ZNF280C: variants seen among roughly 807,000 people sequenced by gnomAD.
ZNF280C encodes suppressor of hairy wing homolog 3.
Under a neutral mutation model 53.6 loss-of-function variants are expected in ZNF280C, and 14 were observed. The ratio of observed to expected loss-of-function variants is 0.26; its 90% CI spans 0.17 to 0.41. The LOEUF is 0.41. Among genes scored for constraint, ZNF280C ranks in the 10% least tolerant of loss-of-function variants. The pLI, the probability that ZNF280C is intolerant of heterozygous loss-of-function variation, is 1.00. For missense variants in ZNF280C, 416 were observed against 547.1 expected, an observed-to-expected ratio of 0.76 and a Z score of 2.39; for synonymous variants, 203 against 181.1, an observed-to-expected ratio of 1.12 and a Z score of -0.97.
At chrX:130,212,148 G>C (rs964068555) in intron 15 of ZNF280C, among the ~76,000 whole-genome samples, 1 of 111,463 alleles carries the variant, frequency 9.0e-6, no homozygotes, top group Non-Finnish European at 1.9e-5. Flanking sequence ...AGAAACTTGG[G>C]ATAGTAAATT....
chrX:130,229,801 A>C (rs1207870406), intron 9 of ZNF280C, among the ~76,000 whole-genome samples: 1 of 112,232 alleles, frequency 8.9e-6, no homozygotes, highest in Non-Finnish European at 1.9e-5. Flanking sequence ...TCTGAAGAGA[A>C]GGAACTATGA....
Position 130,220,473 on chromosome X carries a change from C to T in ZNF280C, c.1403G>A (p.Gly468Glu). ...TCTGCATTTTGGGCAACGATGAACT[C>T]CTTTTTTCTGTTTACAGAAAATATT... Reference protein sequence around the residue: ...MNHYMKHQKKGVHRCPKCRLQ... With the variant: ...MNHYMKHQKKEVHRCPKCRLQ... Residue 468 changes from glycine to glutamate, a missense_variant, in exon 13 of 19, where the codon GGA (glycine) becomes GAA (glutamate). Physicochemically the swap from Gly to Glu is moderately conservative, Grantham distance 98 (BLOSUM62 -2). Around this residue, in one of 3 missense-constraint regions of ZNF280C, gnomAD observed 72 missense variants for 168.8 expected, o/e 0.43. Coordinates refer to ENST00000370978, the MANE Select transcript of ZNF280C (RefSeq NM_017666.5). The T allele has an allele frequency of 8.4e-7, 1 of 1,192,036 alleles. No individual in the cohort carries two copies. The highest frequency in any genetic ancestry group is 2.3e-4 in the Middle Eastern group (1 of 4,269).
At position 130,268,801 on chromosome X, in the gene ZNF280C, GGAGGAGGAGAAA is replaced by G. The variant is rs1388286479; in HGVS notation, c.-68_-57del. The stretch of plus-strand genomic sequence containing the variant: ...ATCGGTCTGACTGGGGTTCGGATAA[GGAGGAGGAGAAA>G]GAGGAGGAGGAAAGGGAGGAGCGCG... On this transcript the variant is annotated 5_prime_UTR_variant, in exon 1 of 19. Coordinates refer to ENST00000370978, the MANE Select transcript of ZNF280C (RefSeq NM_017666.5). 8.9e-6 allele frequency: 1 copy of G among 112,349 alleles called. No individual in the cohort carries two copies. Among genetic ancestry groups the G allele is most frequent in the African/African-American group, 3.2e-5 (1 of 30,864 alleles). The allele number at this position is 112,349 out of a possible 1,213,427, so 9.3% of individuals were successfully genotyped here. A position where few individuals can be genotyped will look rare whatever the true frequency, so the allele number is the denominator to read the frequency against.
intron 2 of ZNF280C, among the ~76,000 whole-genome samples, chrX:130,251,597 G>T (rs964270280): frequency 4.8e-4 from 53 of 111,002 alleles, no homozygotes; most frequent in African/African-American, 1.7e-3. Context: ...TAACAAAAGT[G>T]AATTAAGAGG....
At chrX:130,207,267 A>G (rs2031986132) in intron 16 of ZNF280C, among the ~76,000 whole-genome samples, 1 of 111,640 alleles carries the variant, frequency 9.0e-6, no homozygotes, top group Non-Finnish European at 1.9e-5. Context: ...GGCTTCCCCA[A>G]TGTCTTCCAA....
intron 15 of ZNF280C, among the ~76,000 whole-genome samples, chrX:130,214,518 A>G (rs1409969822): frequency 9.0e-6 from 1 of 111,437 alleles, no homozygotes; most frequent in Non-Finnish European, 1.9e-5. Context: ...AACACTCAGG[A>G]AATTACATAT....
At chrX:130,232,227 A>G (rs1399304391) in intron 8 of ZNF280C, among the ~76,000 whole-genome samples, 2 of 101,021 alleles carry the variant, frequency 2.0e-5, no homozygotes, top group Non-Finnish European at 4.0e-5. Flanking sequence ...ATCTCAACAT[A>G]TTCTATCTAG....
intron 3 of ZNF280C, among the ~76,000 whole-genome samples, chrX:130,245,616 C>T (rs1317805437): frequency 1.8e-5 from 2 of 111,138 alleles, no homozygotes; most frequent in Admixed American, 1.9e-4. Context: ...CATCTCTTAA[C>T]CACACTATTA....
At chrX:130,255,838 C>A (rs2032565066) in intron 2 of ZNF280C, among the ~76,000 whole-genome samples, 1 of 111,841 alleles carries the variant, frequency 8.9e-6, no homozygotes, top group South Asian at 3.8e-4. Flanking sequence ...ACCTGTAATT[C>A]TAGCTGCTTG....
intron 16 of ZNF280C, among the ~76,000 whole-genome samples, chrX:130,206,820 C>T (rs768083239): frequency 8.9e-6 from 1 of 111,889 alleles, no homozygotes; most frequent in Non-Finnish European, 1.9e-5. Context: ...TACTGAGGCT[C>T]AAATTTGTAG....
chrX:130,256,657 C>T (rs760011427), intron 2 of ZNF280C, among the ~76,000 whole-genome samples: 1 of 110,915 alleles, frequency 9.0e-6, no homozygotes, highest in African/African-American at 3.3e-5. Flanking sequence ...CTTTGGGAGG[C>T]TGAGGTGGGC....
intron 1 of ZNF280C, among the ~76,000 whole-genome samples, chrX:130,267,086 G>A (rs1256086399): frequency 9.6e-6 from 1 of 104,541 alleles, no homozygotes; most frequent in African/African-American, 3.5e-5. Context: ...GGGCGACATT[G>A]CGAGACTCCG....
intron 15 of ZNF280C, among the ~76,000 whole-genome samples, chrX:130,213,441 G>T (rs764989078): frequency 1.7e-4 from 19 of 112,151 alleles, no homozygotes; most frequent in African/African-American, 6.1e-4. Flanking sequence ...TAAAGATCAT[G>T]AATTCAGAGC....
intron 2 of ZNF280C, among the ~76,000 whole-genome samples, chrX:130,248,305 CAATGACTACGGGGG>C (rs2032470898): frequency 9.3e-6 from 1 of 107,751 alleles, no homozygotes; most frequent in Non-Finnish European, 1.9e-5. Context: ...TCCTGGCCCC[CAATGACTACGGGGG>C]AATGGGTGAG....
chrX:130,268,472 G>A (rs1477929391), intron 1 of ZNF280C, among the ~76,000 whole-genome samples: 1 of 112,192 alleles, frequency 8.9e-6, no homozygotes, highest in African/African-American at 3.2e-5. Flanking sequence ...GACTCAGGAG[G>A]TGAGAAGGCT....
At chrX:130,215,455 A>G (rs2032090656) in intron 14 of ZNF280C, 122 bp from the exon 15 acceptor site, 8 of 706,672 alleles carry the variant, frequency 1.1e-5, no homozygotes, top group Non-Finnish European at 1.6e-5. Flanking sequence ...AAGTAGACTC[A>G]TAATTTCAAA....
intron 15 of ZNF280C, among the ~76,000 whole-genome samples, chrX:130,213,887 G>A (rs1157693304): frequency 1.8e-5 from 2 of 112,247 alleles, no homozygotes; most frequent in African/African-American, 6.5e-5. Context: ...CCTTCAAAGT[G>A]GTAGCTGATT....
chrX:130,220,063 C>T (rs2032147254), intron 13 of ZNF280C, among the ~76,000 whole-genome samples: 2 of 111,079 alleles, frequency 1.8e-5, no homozygotes, highest in Non-Finnish European at 3.8e-5. Flanking sequence ...TTAAAACTCA[C>T]TTTTGGGGTG....
Position 130,244,503 on chromosome X carries a change from C to A in ZNF280C, c.179-638G>T, listed in dbSNP as rs193015301. Among the ~76,000 whole-genome samples, 611 of 111,403 alleles carry A rather than the reference C, an allele frequency of 5.5e-3. 2 individuals carry two copies. Among genetic ancestry groups the A allele is most frequent in the African/African-American group, 0.019 (586 of 30,730 alleles). Reference sequence around the variant, plus strand: ...AGAAAAGAACCAGATCCCGGCCAGGCGGGGTGGCTCACACCTGTAATCCCA... The same window carrying A: ...AGAAAAGAACCAGATCCCGGCCAGGAGGGGTGGCTCACACCTGTAATCCCA... On this transcript the variant is annotated intron_variant, in intron 3 of 18. Coordinates refer to ENST00000370978, the MANE Select transcript of ZNF280C (RefSeq NM_017666.5).
Sources: allele counts gnomAD v4.1 joint callset (sites outside exome capture counted in the v4.1 genomes callset), GRCh38; gene constraint gnomAD v4.1.1; regional missense constraint gnomAD v4.1.1; transcripts MANE v1.5; gene names NCBI Gene and HGNC (gene_info 2026-07-23, HGNC 2026-07-21).